The following ARL16 variants were observed in gnomAD, a reference collection of about 807,000 sequenced individuals.
ARL16 encodes the protein ARF like GTPase 16.
In ARL16, 21 loss-of-function variants were observed where a neutral mutation model predicts 14.1. That is an observed-to-expected ratio of 1.48 (90% CI 1.05 to 2.14). The LOEUF is 2.14. Ranked by LOEUF, ARL16 falls within the 30% of genes most tolerant of loss-of-function variation. The probability of loss-of-function intolerance (pLI) is 0.00; values close to 1 mark genes in which losing one functional copy is unlikely to be tolerated. For missense variants in ARL16, 248 were observed against 222.0 expected (o/e 1.12, Z -0.74); for synonymous variants, 122 against 91.8 (o/e 1.33, Z -1.88).
Position 81,683,096 on chromosome 17 carries a change from G to A in ARL16, c.151C>T (p.Gln51Ter). ...VGTNLTDIVA[Q>*]RKITIRELGG... ...AGCTCCCGGATGGTGATCTTTCTCT[G>A]TGCCACGATGTCAGTAAGATTGGTG... Residue 51 changes from glutamine to a stop codon, truncating the protein, a stop_gained, in exon 3 of 5, where the codon CAG (glutamine) becomes TAG (stop). Coordinates refer to ENST00000622299, the MANE Select transcript of ARL16 (RefSeq NM_001040025.3). LOFTEE classifies it high-confidence loss of function. 3 of 1,610,454 alleles carry A rather than the reference G, an allele frequency of 1.9e-6. No homozygotes were observed. The highest frequency in any genetic ancestry group is 2.2e-5 in the South Asian group (2 of 90,432).
Position 81,681,772 on chromosome 17 carries a change from C to T in ARL16, c.458G>A (p.Arg153His), listed in dbSNP as rs554811248. Reference protein sequence around the residue: ...QNITTAEISAREGTGLAGVLA... With the variant: ...QNITTAEISAHEGTGLAGVLA... ...CACCCCTGCTAAGCCAGTGCCTTCA[C>T]GGGCGCTGATTTCTGCCGTGGTGAT... The change falls in exon 5 of 5, where the codon CGT becomes CAT. Residue 153 changes from arginine to histidine, a missense_variant. By Grantham distance (29) the Arg-to-His change is conservative (BLOSUM62 0). Coordinates refer to ENST00000622299, the MANE Select transcript of ARL16 (RefSeq NM_001040025.3). The T allele has an allele frequency of 1.4e-5, 23 of 1,610,842 alleles. No homozygotes were observed. The highest frequency in any genetic ancestry group is 1.1e-4 in the East Asian group (5 of 44,762).
At position 81,683,140 on chromosome 17, in the gene ARL16, C is replaced by T. The variant is rs199895602; in HGVS notation, c.121-14G>A. ...ATTGGTGCCCACCTATAGGAAAAAC[C>T]ACGATGCAAAAAGAACAATACAACC... On this transcript the variant is annotated splice_polypyrimidine_tract_variant and intron_variant, in intron 2 of 4. Transcript: ENST00000622299. 1 of 1,598,914 alleles carries T rather than the reference C, an allele frequency of 6.3e-7. No individual in the cohort carries two copies. The highest frequency in any genetic ancestry group is 8.5e-7 in the Non-Finnish European group (1 of 1,173,144).
intron 4 of ARL16, 45 bp downstream of exon 4, chr17:81,681,989 A>C (rs779409947): frequency 1.9e-6 from 3 of 1,572,310 alleles, no homozygotes; most frequent in Admixed American, 1.8e-5. Flanking sequence ...AACCCGAGGG[A>C]GCCCCCGCCC....
chr17:81,681,751 C>T lies in ARL16; in HGVS notation c.479G>A (p.Gly160Glu). The T allele has an allele frequency of 6.2e-7, 1 of 1,609,468 alleles. No homozygotes were observed. The highest frequency in any genetic ancestry group is 8.5e-7 in the Non-Finnish European group (1 of 1,178,402). The change falls in exon 5 of 5, where the codon GGG (glycine) becomes GAG (glutamate). Residue 160 changes from glycine to glutamate, a missense_variant. Gly to Glu is a moderately conservative substitution (Grantham distance 98). Coordinates refer to ENST00000622299, the MANE Select transcript of ARL16 (RefSeq NM_001040025.3). ...GGTGGCCTGGAGCCAGGCCAGCACC[C>T]CTGCTAAGCCAGTGCCTTCACGGGC... Reference protein sequence around the residue: ...ISAREGTGLAGVLAWLQATHR... With the variant: ...ISAREGTGLAEVLAWLQATHR...
intron 2 of ARL16, 170 bp downstream of exon 2, chr17:81,683,366 C>T: frequency 9.9e-7 from 1 of 1,012,234 alleles, no homozygotes; most frequent in South Asian, 1.7e-5. Flanking sequence ...GGCAGGCCCC[C>T]TCATCCCGCG....
At position 81,683,776 on chromosome 17, in the gene ARL16, A is replaced by G; in HGVS notation, c.-23T>C. 1 of 1,606,546 alleles carries G rather than the reference A, an allele frequency of 6.2e-7. No homozygotes were observed. The highest frequency in any genetic ancestry group is 1.1e-5 in the South Asian group (1 of 91,018). Reference sequence around the variant, plus strand: ...CATTCCGTGCTTCGCTCCACCCGGCACCCGTAGCTCGGCGCCGCGGCTCAA... The same window carrying G: ...CATTCCGTGCTTCGCTCCACCCGGCGCCCGTAGCTCGGCGCCGCGGCTCAA... On this transcript the variant is annotated 5_prime_UTR_variant, in exon 1 of 5. Coordinates refer to ENST00000622299, the MANE Select transcript of ARL16 (RefSeq NM_001040025.3).
Position 81,683,709 on chromosome 17 carries a change from C to T in ARL16, c.45G>A (p.Leu15=). Reference sequence around the variant, plus strand: ...GAAGGATATCCTGCAGCCGTTTCACCAGCAGCGTCTTCCCGACGCCCGTGG... The same window carrying T: ...GAAGGATATCCTGCAGCCGTTTCACTAGCAGCGTCTTCCCGACGCCCGTGG... ...LGATGVGKTL[L]VKRLQEVSSR... The change falls in exon 1 of 5, where the codon CTG becomes CTA. Residue 15 remains leucine (L), a synonymous_variant. Coordinates refer to ENST00000622299, the MANE Select transcript of ARL16 (RefSeq NM_001040025.3). 3 of 1,606,664 alleles carry T rather than the reference C, an allele frequency of 1.9e-6. No individual in the cohort carries two copies. The highest frequency in any genetic ancestry group is 2.5e-6 in the Non-Finnish European group (3 of 1,177,700).
At chr17:81,683,408 T>C (rs2036897067) in intron 2 of ARL16, 128 bp downstream of exon 2, 1 of 1,252,870 alleles carries the variant, frequency 8.0e-7, no homozygotes, top group African/African-American at 1.5e-5. Flanking sequence ...CGTCCCCCGC[T>C]CCCGAAGGCT....
intron 2 of ARL16, 43 bp downstream of exon 2, chr17:81,683,493 G>A (rs1192122783): frequency 4.6e-6 from 7 of 1,517,976 alleles, no homozygotes; most frequent in Non-Finnish European, 6.2e-6. Context: ...GCCAAGCGCA[G>A]AACTGACCCC....
At chr17:81,683,330 G>C in intron 2 of ARL16, 1 of 845,164 alleles carries the variant, frequency 1.2e-6, no homozygotes, top group East Asian at 2.7e-5. Flanking sequence ...GCCGTTGCGA[G>C]GGGAGAGGAA....
intron 3 of ARL16, 102 bp from the exon 4 acceptor site, chr17:81,682,251 T>C: frequency 1.2e-6 from 1 of 803,520 alleles, no homozygotes; most frequent in Admixed American, 3.4e-5. Flanking sequence ...ATTTTTTAAT[T>C]AATTAATTTA....
In ARL16 at chr17:81,681,428, C is replaced by T. The variant is rs2036842104; in HGVS notation, c.*280G>A. ...GTTGGTCAGGCTAGTCTCGAACTCC[C>T]GACCTCAGGTGATACACCCGCCTCG... is the stretch of plus-strand genomic sequence containing the variant. On this transcript the variant is annotated 3_prime_UTR_variant, in exon 5 of 5. Transcript: ENST00000622299. 6.4e-6 allele frequency: 2 copies of T among 311,984 alleles called. No homozygotes were observed. The highest frequency in any genetic ancestry group is 4.8e-5 in the Admixed American group (1 of 20,818). The allele number at this position is 311,984 out of a possible 1,614,324, so 19.3% of individuals were successfully genotyped here. A position where few individuals can be genotyped will look rare whatever the true frequency, so the allele number is the denominator to read the frequency against.
At chr17:81,683,666 C>G (rs769262666) in intron 1 of ARL16, 27 bp downstream of exon 1, 2 of 1,593,076 alleles carry the variant, frequency 1.3e-6, no homozygotes, top group Non-Finnish European at 1.7e-6. Context: ...CCCCGCGCCC[C>G]GGTCCCGTCC....
rs764048849 is a variant in ARL16, at chr17:81,683,591, A to T, written c.65T>A (p.Val22Glu). ...KTLLVKRLQE[V>E]SSRDGKGDLG... ...GTCGCCTTTCCCATCCCGGGAGCTCACCTGTGCGAAGCGGTCAAGGACCCG... is the reference window on the plus strand; with the variant it reads ...GTCGCCTTTCCCATCCCGGGAGCTCTCCTGTGCGAAGCGGTCAAGGACCCG... Residue 22 changes from valine to glutamate, a missense_variant, in exon 2 of 5, where the codon GTG becomes GAG. Transcript: ENST00000622299. 6 of 1,602,276 alleles carry T rather than the reference A, an allele frequency of 3.7e-6. No homozygotes were observed. Among genetic ancestry groups the T allele is most frequent in the Non-Finnish European group, 5.1e-6 (6 of 1,176,116 alleles).
At chr17:81,682,344 G>C in intron 3 of ARL16, 195 bp from the exon 4 acceptor site, 1 of 438,964 alleles carries the variant, frequency 2.3e-6, no homozygotes, top group Non-Finnish European at 4.1e-6. Context: ...CAGGGTTCAA[G>C]TGATTCTCCT....
At chr17:81,682,219 G>A (rs2036862107) in intron 3 of ARL16, 70 bp from the exon 4 acceptor site, 1 of 1,172,560 alleles carries the variant, frequency 8.5e-7, no homozygotes, top group Admixed American at 3.0e-5. Context: ...TCACAGACCT[G>A]GCACTGGGAG....
chr17:81,683,398 C>A, intron 2 of ARL16, 138 bp downstream of exon 2: 1 of 1,191,956 alleles, frequency 8.4e-7, no homozygotes, highest in Non-Finnish European at 1.1e-6. Flanking sequence ...CAGCTCGGGC[C>A]GTCCCCCGCT....
At chr17:81,683,283 T>C (rs1417975930) in intron 2 of ARL16, 157 bp from the exon 3 acceptor site, 8 of 828,442 alleles carry the variant, frequency 9.7e-6, no homozygotes, top group South Asian at 8.8e-5. Context: ...CGCCCATCAG[T>C]AGCTGGACTC....
chr17:81,683,788 G>A lies in ARL16; in HGVS notation c.-35C>T, dbSNP rs774636076. 1 of 1,605,748 alleles carries A rather than the reference G, an allele frequency of 6.2e-7. No individual in the cohort carries two copies. Among genetic ancestry groups the A allele is most frequent in the Middle Eastern group, 1.7e-4 (1 of 6,056 alleles). ...CGCTCCACCCGGCACCCGTAGCTCG[G>A]CGCCGCGGCTCAAGGCCCGCCCACC... On this transcript the variant is annotated 5_prime_UTR_variant, in exon 1 of 5. Coordinates refer to ENST00000622299, the MANE Select transcript of ARL16 (RefSeq NM_001040025.3).
Sources: allele counts gnomAD v4.1 joint callset, GRCh38; gene constraint gnomAD v4.1.1; transcripts MANE v1.5; gene names NCBI Gene and HGNC (gene_info 2026-07-23, HGNC 2026-07-21).